The following ATRX variants were observed in gnomAD, a reference collection of about 807,000 sequenced individuals.
ATRX encodes the protein chromatin remodeler ATRX.
A neutral mutation model predicts 172.6 loss-of-function variants in ATRX; 12 were observed. That is an observed-to-expected ratio of 0.07 (90% CI 0.04 to 0.11). The LOEUF (loss-of-function observed/expected upper bound fraction) is 0.11, where lower values mean the gene tolerates loss of function less well. ATRX is among the 10% of genes least tolerant of loss of function. ATRX has a pLI of 1.00. For missense variants in ATRX, 1,368 were observed against 1,767.4 expected (o/e 0.77, Z 4.05); for synonymous variants, 674 against 594.7 (o/e 1.13, Z -1.94).
At chrX:77,526,462 A>G (rs2063385363) in intron 30 of ATRX, among the ~76,000 whole-genome samples, 1 of 111,158 alleles carries the variant, frequency 9.0e-6, no homozygotes, top group Non-Finnish European at 1.9e-5. Flanking sequence ...GCTACCACGC[A>G]TGGCTAATTT....
chrX:77,580,575 A>G (rs782553992), intron 27 of ATRX, among the ~76,000 whole-genome samples: 2 of 112,061 alleles, frequency 1.8e-5, no homozygotes, highest in African/African-American at 6.5e-5. Flanking sequence ...AATAACCTCT[A>G]AACATAAAAG....
chrX:77,514,556 G>A (rs782579136), intron 34 of ATRX, among the ~76,000 whole-genome samples: 1 of 112,015 alleles, frequency 8.9e-6, no homozygotes, highest in South Asian at 3.7e-4. Context: ...CTAGCCACAG[G>A]GAGAAGATTG....
chrX:77,728,864 C>T (rs2074172449), intron 1 of ATRX, among the ~76,000 whole-genome samples: 1 of 106,196 alleles, frequency 9.4e-6, no homozygotes, highest in African/African-American at 3.4e-5. Flanking sequence ...CGGGTTCAAG[C>T]AATTCTCCTG....
rs1557137305 is a variant in ATRX, at chrX:77,681,765, T to A, written c.3491A>T (p.Asp1164Val). The part of the protein sequence containing the change: ...SSSDAEESSE[D>V]NKKKKQRTSS... ...AGTTCTTTGCTTCTTCTTTTTATTA[T>A]CTTCAGAACTTTCCTCAGCATCAGA... The change falls in exon 9 of 35, where the codon GAT (aspartate) becomes GTT (valine). Residue 1164 changes from aspartate to valine, a missense_variant. Physicochemically the swap from Asp to Val is radical, Grantham distance 152. Transcript: ENST00000373344. 1 of 1,198,450 alleles carries A rather than the reference T, an allele frequency of 8.3e-7. No individual in the cohort carries two copies.
At chrX:77,557,340 C>A in intron 30 of ATRX, 111 bp downstream of exon 30, 1 of 725,117 alleles carries the variant, frequency 1.4e-6, no homozygotes, top group Non-Finnish European at 2.1e-6. Context: ...ATTTTATTAT[C>A]CTTGAAAAAT....
rs1340247522 is a variant in ATRX at position 77,682,401 on chromosome X, T to C, written c.2855A>G (p.Lys952Arg). Residue 952 changes from lysine (K) to arginine (R), a missense_variant, in exon 9 of 35, where the codon AAA becomes AGA. Physicochemically the swap from Lys to Arg is conservative, Grantham distance 26. This residue lies in a region of ATRX where 843 missense variants were observed against 643.1 expected (regional missense o/e 1.31). Coordinates refer to ENST00000373344, the MANE Select transcript of ATRX (RefSeq NM_000489.6). Reference protein sequence around the residue: ...TKEKSKHLKTKTCKKVQDGLS... With the variant: ...TKEKSKHLKTRTCKKVQDGLS... ...GCCATCCTGTACTTTTTTACATGTTTTGGTTTTGAGATGCTTGCTCTTTTC... is the reference window on the plus strand; with the variant it reads ...GCCATCCTGTACTTTTTTACATGTTCTGGTTTTGAGATGCTTGCTCTTTTC... 8.3e-7 allele frequency: 1 copy of C among 1,209,938 alleles called. No individual in the cohort carries two copies. Among genetic ancestry groups the C allele is most frequent in the African/African-American group, 1.7e-5 (1 of 57,186 alleles).
At position 77,733,706 on chromosome X, in the gene ATRX, TAAAAAAAAAA is replaced by T. The variant is rs1244088795; in HGVS notation, c.21-16473_21-16464del. Reference sequence around the variant, plus strand: ...CAACAGGGTGAAACCCCATCTATGCTAAAAAAAAAAAAAAAAAAAAAAAAAAAATTAGCCA... The same window carrying T: ...CAACAGGGTGAAACCCCATCTATGCTAAAAAAAAAAAAAAAAAATTAGCCA... On this transcript the variant is annotated intron_variant, in intron 1 of 34. Coordinates refer to ENST00000373344, the MANE Select transcript of ATRX (RefSeq NM_000489.6). Among the ~76,000 whole-genome samples, 5 of 33,039 alleles carry T rather than the reference TAAAAAAAAAA, an allele frequency of 1.5e-4. No individual in the cohort carries two copies. In the Admixed American group the frequency reaches 2.6e-3, roughly 17 times the overall value. The allele number at this position is 33,039 out of a possible 115,157, so 28.7% of individuals were successfully genotyped here.
chrX:77,636,857 AAGGAGGGAGG>A (rs200927084), intron 15 of ATRX, among the ~76,000 whole-genome samples: 1,043 of 102,049 alleles, frequency 0.01, 8 homozygotes, highest in Middle Eastern at 0.02. Flanking sequence ...AAGGAGGAGG[AAGGAGGGAGG>A]AGGAGGGAGG....
chrX:77,676,403 G>T, intron 9 of ATRX, 105 bp from the exon 10 acceptor site: 1 of 678,103 alleles, frequency 1.5e-6, no homozygotes, highest in Non-Finnish European at 2.2e-6. Flanking sequence ...AACTAAGTGG[G>T]GTCTAAACTC....
chrX:77,571,649 T>G (rs1211948819), intron 28 of ATRX, among the ~76,000 whole-genome samples: 1 of 111,364 alleles, frequency 9.0e-6, no homozygotes, highest in African/African-American at 3.3e-5. Flanking sequence ...ATCTTGATTG[T>G]GTATATGTGG....
rs782464685 is a variant in ATRX, at chrX:77,656,567, T to C, written c.4207A>G (p.Arg1403Gly). 4 of 1,207,505 alleles carry C rather than the reference T, an allele frequency of 3.3e-6. No individual in the cohort carries two copies. In the East Asian group the frequency reaches 1.2e-4, roughly 36 times the overall value. Residue 1403 changes from arginine (R) to glycine (G), a missense_variant, in exon 13 of 35, where the codon AGA (arginine) becomes GGA (glycine). Arg to Gly is a moderately radical substitution (Grantham distance 125). Around this residue, in one of 17 missense-constraint regions of ATRX, gnomAD observed 119 missense variants for 131.3 expected, o/e 0.91. Coordinates refer to ENST00000373344, the MANE Select transcript of ATRX (RefSeq NM_000489.6). ...AAAAACCAATTATAATACCTTGTTC[T>C]GGGCCGCTGTTCATCTTCGGATTCA... ...VSESEDEQRP[R>G]TRSAKKAELE...
At chrX:77,677,680 T>TC (rs1433466312) in intron 9 of ATRX, among the ~76,000 whole-genome samples, 2 of 108,219 alleles carry the variant, frequency 1.8e-5, no homozygotes, top group Admixed American at 2.0e-4. Context: ...TTTTTTTTTT[T>TC]ACAAATTTCT....
At chrX:77,541,816 C>A (rs1325936966) in intron 30 of ATRX, among the ~76,000 whole-genome samples, 1 of 111,462 alleles carries the variant, frequency 9.0e-6, no homozygotes, top group Admixed American at 9.6e-5. Flanking sequence ...TGGAACGTAT[C>A]TCAAAATAAT....
intron 29 of ATRX, 137 bp downstream of exon 29, chrX:77,558,532 G>C (rs782225699): frequency 3.7e-6 from 2 of 538,940 alleles, no homozygotes; most frequent in African/African-American, 4.7e-5. Flanking sequence ...AGCCAAAACT[G>C]ACTTCTGCTG....
At chrX:77,561,020 T>A (rs1211075129) in intron 28 of ATRX, among the ~76,000 whole-genome samples, 1 of 110,601 alleles carries the variant, frequency 9.0e-6, no homozygotes, top group Non-Finnish European at 1.9e-5. Flanking sequence ...TAAATACAAT[T>A]GCAAATGCAT....
At chrX:77,563,370 T>C (rs1395561341) in intron 28 of ATRX, among the ~76,000 whole-genome samples, 1 of 112,512 alleles carries the variant, frequency 8.9e-6, no homozygotes, top group Admixed American at 9.4e-5. Context: ...TGCTTTTGCA[T>C]CTTTTGTCAA....
chrX:77,570,542 C>T (rs1009027612), intron 28 of ATRX, among the ~76,000 whole-genome samples: 10 of 111,127 alleles, frequency 9.0e-5, no homozygotes, highest in African/African-American at 2.3e-4. Context: ...ACACCTTATA[C>T]AAAAATTAAC....
chrX:77,763,007 G>A (rs1169933975), intron 1 of ATRX, among the ~76,000 whole-genome samples: 1 of 111,051 alleles, frequency 9.0e-6, no homozygotes, highest in Non-Finnish European at 1.9e-5. Flanking sequence ...GATTATGTTT[G>A]GAAATTTAGT....
chrX:77,667,897 A>AATT (rs2070345799), intron 10 of ATRX, among the ~76,000 whole-genome samples: 1 of 111,716 alleles, frequency 9.0e-6, no homozygotes, highest in Non-Finnish European at 1.9e-5. Context: ...CCAAATCACA[A>AATT]ATTATATACA....
Sources: allele counts gnomAD v4.1 joint callset (sites outside exome capture counted in the v4.1 genomes callset), GRCh38; gene constraint gnomAD v4.1.1; regional missense constraint gnomAD v4.1.1; transcripts MANE v1.5; gene names NCBI Gene and HGNC (gene_info 2026-07-23, HGNC 2026-07-21).